Variants in TMTC2 observed in about 807,000 individuals in gnomAD.
TMTC2 encodes the protein protein O-mannosyl-transferase TMTC2.
A neutral mutation model predicts 82.4 loss-of-function variants in TMTC2; 43 were observed. The observed-to-expected ratio is 0.52, with a 90% CI of 0.41 to 0.67. The LOEUF (loss-of-function observed/expected upper bound fraction) is 0.67. TMTC2 is among the 30% of genes least tolerant of loss of function. TMTC2 has a pLI of 0.00. For synonymous variants in TMTC2, 408 were observed against 381.9 expected (o/e 1.07, Z -0.80); for missense variants, 919 against 1,012.4 (o/e 0.91, Z 1.25).
chr12:82,999,267 T>C (rs1879809383), intron 8 of TMTC2, among the ~76,000 whole-genome samples: 1 of 152,204 alleles, frequency 6.6e-6, no homozygotes. Context: ...CCTCAGTTGG[T>C]ATTTGGCTGA....
At chr12:82,756,531 A>G (rs1469755797) in intron 1 of TMTC2, among the ~76,000 whole-genome samples, 3 of 152,220 alleles carry the variant, frequency 2.0e-5, no homozygotes, top group Non-Finnish European at 4.4e-5. Flanking sequence ...AGCATGGGAC[A>G]AAGGAATATA....
intron 1 of TMTC2, among the ~76,000 whole-genome samples, chr12:82,701,558 C>T (rs916462538): frequency 6.7e-6 from 1 of 148,392 alleles, no homozygotes; most frequent in African/African-American, 2.5e-5. Context: ...TTGAGACCAG[C>T]CTGACCAACA....
intron 1 of TMTC2, among the ~76,000 whole-genome samples, chr12:82,765,106 A>G (rs1387117586): frequency 6.6e-6 from 1 of 152,166 alleles, no homozygotes; most frequent in African/African-American, 2.4e-5. Flanking sequence ...GGAGGCATGT[A>G]GCTTTTAATC....
chr12:82,923,911 A>G (rs1875540662), intron 3 of TMTC2, among the ~76,000 whole-genome samples: 1 of 152,170 alleles, frequency 6.6e-6, no homozygotes, highest in Non-Finnish European at 1.5e-5. Flanking sequence ...AATTGACATG[A>G]TATTAAAAAG....
chr12:82,809,815 A>G (rs1313473838), intron 1 of TMTC2, among the ~76,000 whole-genome samples: 1 of 152,126 alleles, frequency 6.6e-6, no homozygotes, highest in East Asian at 1.9e-4. Flanking sequence ...ATTATTTCTT[A>G]CCATTTTCCC....
Position 82,778,709 on chromosome 12 carries a change from C to T in TMTC2, c.84-78301C>T, listed in dbSNP as rs191699377. On this transcript the variant is annotated intron_variant, in intron 1 of 11. Coordinates refer to ENST00000321196, the MANE Select transcript of TMTC2 (RefSeq NM_152588.3). ...CTAAAAATACAAAAAATTAGCCGGG[C>T]GTAGTGGCGGGCGCCTGTAGTCCCA... Among the ~76,000 whole-genome samples the T allele has an allele frequency of 8.7e-3, 1,313 of 151,542 alleles. 15 individuals carry two copies. Among genetic ancestry groups the T allele is most frequent in the Middle Eastern group, 0.02 (6 of 294 alleles).
chr12:82,821,060 T>C (rs73358250), intron 1 of TMTC2, among the ~76,000 whole-genome samples: 2,724 of 152,034 alleles, frequency 0.018, 85 homozygotes, highest in African/African-American at 0.063. Context: ...AGTCTTGCGA[T>C]GTTGTCAAGG....
rs528166601 is a variant in TMTC2 at position 82,966,758 on chromosome 12, T to C, written c.1870-161T>C. The stretch of plus-strand genomic sequence containing the variant: ...AGTGTTTTCATTGGTGGAATTGAGA[T>C]AGTATGCCACAAAAGGACAGTTCAA... On this transcript the variant is annotated intron_variant, in intron 6 of 11. Transcript: ENST00000321196. Among the ~76,000 whole-genome samples the C allele has an allele frequency of 3.3e-5, 5 of 152,312 alleles. No homozygotes were observed. In the South Asian group the frequency reaches 1.0e-3, roughly 32 times the overall value.
chr12:82,707,368 A>G (rs1873411602), intron 1 of TMTC2, among the ~76,000 whole-genome samples: 1 of 152,188 alleles, frequency 6.6e-6, no homozygotes, highest in African/African-American at 2.4e-5. Context: ...TACACTGGGC[A>G]TTAGGATTTA....
intron 8 of TMTC2, among the ~76,000 whole-genome samples, chr12:83,005,943 G>A (rs760985645): frequency 3.9e-5 from 6 of 152,152 alleles, no homozygotes; most frequent in African/African-American, 4.8e-5. Flanking sequence ...CTTGGATATC[G>A]ATGCCTATTA....
At chr12:82,789,109 G>T (rs549638732) in intron 1 of TMTC2, among the ~76,000 whole-genome samples, 1 of 152,244 alleles carries the variant, frequency 6.6e-6, no homozygotes, top group Non-Finnish European at 1.5e-5. Flanking sequence ...TTTTGATTCG[G>T]CTTCCTTTTG....
intron 2 of TMTC2, among the ~76,000 whole-genome samples, chr12:82,882,881 C>T (rs899934285): frequency 6.6e-6 from 1 of 151,920 alleles, no homozygotes; most frequent in African/African-American, 2.4e-5. Flanking sequence ...CATCGTGAAA[C>T]CCTGTCTCTA....
chr12:82,755,815 A>G (rs1030759206), intron 1 of TMTC2, among the ~76,000 whole-genome samples: 2 of 152,140 alleles, frequency 1.3e-5, no homozygotes, highest in African/African-American at 4.8e-5. Context: ...CTTTTGTTAT[A>G]TGTATGTCAT....
intron 2 of TMTC2, among the ~76,000 whole-genome samples, chr12:82,871,963 C>A (rs561745519): frequency 3.8e-4 from 58 of 151,416 alleles, no homozygotes; most frequent in African/African-American, 1.4e-3. Flanking sequence ...ATAATTTGTG[C>A]ATTCATTATT....
intron 3 of TMTC2, among the ~76,000 whole-genome samples, chr12:82,922,784 C>CT (rs563249541): frequency 2.0e-5 from 3 of 151,734 alleles, no homozygotes; most frequent in East Asian, 1.9e-4. Context: ...CAATGCATTC[C>CT]TTTTTTTTAA....
At chr12:83,059,474 A>G (rs1882662182) in intron 10 of TMTC2, among the ~76,000 whole-genome samples, 1 of 151,772 alleles carries the variant, frequency 6.6e-6, no homozygotes, top group Non-Finnish European at 1.5e-5. Flanking sequence ...GCTGATTAGT[A>G]GTTTATAAAG....
chr12:82,836,212 C>T (rs183756026), intron 1 of TMTC2, among the ~76,000 whole-genome samples: 1 of 152,246 alleles, frequency 6.6e-6, no homozygotes, highest in Admixed American at 6.5e-5. Flanking sequence ...CTTGGTTAAG[C>T]CTAGCTAAGT....
At chr12:82,749,737 T>C (rs2136963988) in intron 1 of TMTC2, among the ~76,000 whole-genome samples, 1 of 40,150 alleles carries the variant, frequency 2.5e-5, no homozygotes, top group Admixed American at 4.2e-4. Flanking sequence ...CTTTCTTTCT[T>C]TCTTTTTTTT....
intron 3 of TMTC2, among the ~76,000 whole-genome samples, chr12:82,904,982 CT>C (rs370846723): frequency 0.02 from 2,659 of 133,800 alleles, 60 homozygotes; most frequent in African/African-American, 0.061. Flanking sequence ...TTTTTTGTTT[CT>C]TTTTTTTTTT....
Sources: gnomAD v4.1 joint callset for allele counts (sites outside exome capture counted in the v4.1 genomes callset) on GRCh38, gnomAD v4.1.1 for gene constraint, MANE v1.5 for transcripts, NCBI Gene and HGNC (gene_info 2026-07-23, HGNC 2026-07-21) for gene names.